Variants in SLC35A3 observed in about 807,000 individuals in gnomAD.
The protein encoded by SLC35A3 is UDP-N-acetylglucosamine transporter.
A neutral mutation model predicts 39.0 loss-of-function variants in SLC35A3; 26 were observed. That is an observed-to-expected ratio of 0.67 (90% CI 0.49 to 0.92). The LOEUF (loss-of-function observed/expected upper bound fraction) is 0.92. Ranked by LOEUF, SLC35A3 falls within the 40% of genes least tolerant of loss-of-function variation. The pLI, the probability that SLC35A3 is intolerant of heterozygous loss-of-function variation, is 0.00. For missense variants in SLC35A3, 299 were observed against 371.6 expected (o/e 0.80, Z 1.61); for synonymous variants, 135 against 133.1 (o/e 1.01, Z -0.10).
At chr1:100,021,224 T>C (rs1010290452) in intron 7 of SLC35A3, among the ~76,000 whole-genome samples, 3 of 151,676 alleles carry the variant, frequency 2.0e-5, no homozygotes, top group Admixed American at 6.6e-5. Flanking sequence ...ATTAGCGGGG[T>C]GTGGTGGTGC....
Position 100,032,031 on chromosome 1 carries a change from G to A in SLC35A3, c.*9555G>A, listed in dbSNP as rs1388267772. 1.3e-5 allele frequency: 2 copies of A among 151,998 alleles called. No homozygotes were observed. Among genetic ancestry groups the A allele is most frequent in the Non-Finnish European group, 2.9e-5 (2 of 68,002 alleles). The allele number at this position is 151,998 out of a possible 1,614,324, so 9.4% of individuals were successfully genotyped here. On this transcript the variant is annotated 3_prime_UTR_variant, in exon 8 of 8. Transcript: ENST00000533028. Reference sequence around the variant, plus strand: ...AGTCTATAGGTTTGATTACCTTCAGGTTAAATGTATTGGGTAAAAATATTT... The same window carrying A: ...AGTCTATAGGTTTGATTACCTTCAGATTAAATGTATTGGGTAAAAATATTT...
At chr1:99,979,578 C>A (rs1216319755) in intron 1 of SLC35A3, among the ~76,000 whole-genome samples, 1 of 151,290 alleles carries the variant, frequency 6.6e-6, no homozygotes, top group Non-Finnish European at 1.5e-5. Context: ...GGACTACAGG[C>A]GCCCGCCACC....
At position 99,999,530 on chromosome 1, in the gene SLC35A3, T is replaced by A. The variant is rs150654099; in HGVS notation, c.342+115T>A. On this transcript the variant is annotated intron_variant, in intron 3 of 7. Coordinates refer to ENST00000533028, the MANE Select transcript of SLC35A3 (RefSeq NM_012243.3). ...GATACATGCATCCAATGTGTAATGATCAAATCAGGGTATTTAGGATATTCA... is the reference window on the plus strand; with the variant it reads ...GATACATGCATCCAATGTGTAATGAACAAATCAGGGTATTTAGGATATTCA... 2,008 of 606,232 alleles carry A rather than the reference T, an allele frequency of 3.3e-3. 2 individuals carry two copies. The highest frequency in any genetic ancestry group is 4.3e-3 in the Non-Finnish European group (1,551 of 363,544). The allele number at this position is 606,232 out of a possible 1,614,324, so 37.6% of individuals were successfully genotyped here.
intron 2 of SLC35A3, among the ~76,000 whole-genome samples, 200 bp downstream of exon 2, chr1:99,993,941 T>A (rs1658238468): frequency 6.6e-6 from 1 of 152,204 alleles, no homozygotes; most frequent in Non-Finnish European, 1.5e-5. Flanking sequence ...TATCTTCTGG[T>A]TAATTCTGTA....
At chr1:99,977,186 T>C (rs1348501483) in intron 1 of SLC35A3, among the ~76,000 whole-genome samples, 1 of 151,958 alleles carries the variant, frequency 6.6e-6, no homozygotes, top group Non-Finnish European at 1.5e-5. Context: ...TTCTATGCTT[T>C]ATTTATTTAA....
chr1:99,970,450 G>A (rs767567730), intron 1 of SLC35A3: 2 of 841,590 alleles, frequency 2.4e-6, no homozygotes, highest in Admixed American at 2.3e-5. Flanking sequence ...GAATGAAGAC[G>A]GCAGTGTGTG....
chr1:99,982,164 C>T (rs1657494820), intron 1 of SLC35A3, among the ~76,000 whole-genome samples: 1 of 151,930 alleles, frequency 6.6e-6, no homozygotes, highest in African/African-American at 2.4e-5. Context: ...ACCACCATGT[C>T]CAGCTAATTT....
rs779346200 is a variant in SLC35A3, at chr1:100,022,438, T to C, written c.940T>C (p.Tyr314His). Residue 314 changes from tyrosine (Y) to histidine (H), a missense_variant, in exon 8 of 8, where the codon TAT (tyrosine) becomes CAT (histidine). Coordinates refer to ENST00000533028, the MANE Select transcript of SLC35A3 (RefSeq NM_012243.3). The part of the protein sequence containing the change: ...LVITATFLYG[Y>H]DPKPAGNPTK... ...AATAACAGCTACTTTTTTGTATGGT[T>C]ATGATCCCAAACCTGCAGGAAATCC... 2 of 1,607,404 alleles carry C rather than the reference T, an allele frequency of 1.2e-6. No individual in the cohort carries two copies. The highest frequency in any genetic ancestry group is 1.7e-5 in the Admixed American group (1 of 59,712).
In SLC35A3 at chr1:99,987,496, T is replaced by C. The variant is rs1657817077; in HGVS notation, c.-18-6041T>C. 2.6e-5 allele frequency among the ~76,000 whole-genome samples: 4 copies of C among 152,172 alleles called. No individual in the cohort carries two copies. In the South Asian group the frequency reaches 8.3e-4, roughly 32 times the overall value. On this transcript the variant is annotated intron_variant, in intron 1 of 7. Coordinates refer to ENST00000533028, the MANE Select transcript of SLC35A3 (RefSeq NM_012243.3). ...TTTACCATTAAAAATTTTATCCTTA[T>C]ATTCATGGTGCTGCATTGTTCGTGT...
At chr1:100,007,259 A>G (rs1659305615) in intron 4 of SLC35A3, 103 bp downstream of exon 4, 2 of 1,083,386 alleles carry the variant, frequency 1.8e-6, no homozygotes, top group Admixed American at 2.5e-5. Flanking sequence ...TGAAACCAAC[A>G]AATGTTTTTC....
At chr1:99,979,427 TTTC>T (rs1657310449) in intron 1 of SLC35A3, among the ~76,000 whole-genome samples, 1 of 146,850 alleles carries the variant, frequency 6.8e-6, no homozygotes, top group Non-Finnish European at 1.5e-5. Flanking sequence ...TCTCCTTTTC[TTTC>T]TTTTTTTTTT....
chr1:100,027,343 T>C lies in SLC35A3; in HGVS notation c.*4867T>C. ...GGCATGCACCTGTGGGGCCAGCTAC[T>C]CAGGAGGCTGAGGCAGAAGGATTGC... On this transcript the variant is annotated 3_prime_UTR_variant, in exon 8 of 8. Coordinates refer to ENST00000533028, the MANE Select transcript of SLC35A3 (RefSeq NM_012243.3). The C allele has an allele frequency of 2.6e-6, 1 of 392,074 alleles. No individual in the cohort carries two copies. The allele number at this position is 392,074 out of a possible 1,614,324, so 24.3% of individuals were successfully genotyped here.
chr1:99,981,534 T>C lies in SLC35A3; in HGVS notation c.-19+11372T>C, dbSNP rs1028977543. Among the ~76,000 whole-genome samples the C allele has an allele frequency of 2.6e-5, 4 of 151,726 alleles. No individual in the cohort carries two copies. The East Asian group carries it at 7.8e-4, about 29-fold the overall frequency. ...TTGCTCTGTTGCCCAGGCTGGAGTG[T>C]AGCAGCGGGATTTCGGCTCACTGCA... On this transcript the variant is annotated intron_variant, in intron 1 of 7. Coordinates refer to ENST00000533028, the MANE Select transcript of SLC35A3 (RefSeq NM_012243.3).
intron 5 of SLC35A3, among the ~76,000 whole-genome samples, chr1:100,011,805 G>A (rs1043358755): frequency 2.6e-5 from 4 of 151,144 alleles, no homozygotes; most frequent in Admixed American, 2.0e-4. Flanking sequence ...TGCAAGCTCC[G>A]CCTCCCAGGT....
chr1:100,007,295 G>T lies in SLC35A3; in HGVS notation c.465+139G>T, dbSNP rs377296535. On this transcript the variant is annotated intron_variant, in intron 4 of 7. Transcript: ENST00000533028. ...CCCACAACTAACATATGTTTTGAGG[G>T]CATCCTTTATGTGACATACTACATT... 5 of 718,804 alleles carry T rather than the reference G, an allele frequency of 7.0e-6. No individual in the cohort carries two copies. The East Asian group carries it at 1.1e-4, about 16-fold the overall frequency. 44.5% of individuals were successfully genotyped at this position (718,804 alleles called of 1,614,324 possible).
At position 99,997,407 on chromosome 1, in the gene SLC35A3, G is replaced by GTT. The variant is rs1491381678; in HGVS notation, c.188-1851_188-1850dup. On this transcript the variant is annotated intron_variant, in intron 2 of 7. Transcript: ENST00000533028. The stretch of plus-strand genomic sequence containing the variant: ...TATACAGTTATATGTTTTATATATA[G>GTT]TTTTATATATATATATATATATATA... Among the ~76,000 whole-genome samples the GTT allele has an allele frequency of 2.1e-4, 13 of 61,616 alleles. No individual in the cohort carries two copies. In the South Asian group the frequency reaches 4.5e-3, roughly 21 times the overall value. 40.4% of individuals were successfully genotyped at this position (61,616 alleles called of 152,430 possible). A position where few individuals can be genotyped will look rare whatever the true frequency, so the allele number is the denominator to read the frequency against.
intron 1 of SLC35A3, among the ~76,000 whole-genome samples, chr1:99,981,589 C>T (rs1657450436): frequency 6.6e-6 from 1 of 151,962 alleles, no homozygotes; most frequent in South Asian, 2.1e-4. Flanking sequence ...AAGAAATTCT[C>T]GTGGCCTCAG....
rs1660827969 is a variant in SLC35A3, at chr1:100,025,041, G to C, written c.*2565G>C. 9.8e-6 allele frequency: 2 copies of C among 204,476 alleles called. No individual in the cohort carries two copies. Among genetic ancestry groups the C allele is most frequent in the East Asian group, 2.1e-4 (2 of 9,592 alleles). The allele number at this position is 204,476 out of a possible 1,614,324, so 12.7% of individuals were successfully genotyped here. A position where few individuals can be genotyped will look rare whatever the true frequency, so the allele number is the denominator to read the frequency against. ...ATTACCAAATCTTTAAAATCACTTT[G>C]GTGGTGATTCCAAATTGGTACCAAG... On this transcript the variant is annotated 3_prime_UTR_variant, in exon 8 of 8. Coordinates refer to ENST00000533028, the MANE Select transcript of SLC35A3 (RefSeq NM_012243.3).
intron 1 of SLC35A3, among the ~76,000 whole-genome samples, chr1:99,988,734 T>G (rs1657900200): frequency 7.1e-6 from 1 of 140,242 alleles, no homozygotes; most frequent in South Asian, 2.6e-4. Context: ...TCCCCTCCCC[T>G]TCCCCTCCTC....
Sources: allele counts gnomAD v4.1 joint callset (sites outside exome capture counted in the v4.1 genomes callset), GRCh38; gene constraint gnomAD v4.1.1; transcripts MANE v1.5; gene names NCBI Gene and HGNC (gene_info 2026-07-23, HGNC 2026-07-21).